RBFOX1: variants seen among roughly 807,000 people sequenced by gnomAD.
RBFOX1 encodes RNA binding protein fox-1 homolog 1.
In RBFOX1, 8 loss-of-function variants were observed where a neutral mutation model predicts 57.7. The ratio of observed to expected loss-of-function variants is 0.14; its 90% CI spans 0.08 to 0.25. RBFOX1 has a LOEUF of 0.25. RBFOX1 is among the 10% of genes least tolerant of loss of function. The pLI is 1.00. For missense variants in RBFOX1, 611 were observed against 548.5 expected, an observed-to-expected ratio of 1.11 and a Z score of -1.14; for synonymous variants, 326 against 222.4, an observed-to-expected ratio of 1.47 and a Z score of -4.15.
rs145327369 is a variant in RBFOX1 at position 6,777,071 on chromosome 16, G to A, written c.-16+122421G>A. Among the ~76,000 whole-genome samples the A allele has an allele frequency of 6.3e-3, 962 of 152,262 alleles. 11 individuals are homozygous for A. Among genetic ancestry groups the A allele is most frequent in the African/African-American group, 0.022 (898 of 41,552 alleles). On this transcript the variant is annotated intron_variant, in intron 3 of 15. Coordinates refer to ENST00000550418, the MANE Select transcript of RBFOX1 (RefSeq NM_018723.4). Reference sequence around the variant, plus strand: ...AAAGCTACCTGAGGGCAGGGATTCTGTGTTAACCGTGTTGTATACTCAATT... The same window carrying A: ...AAAGCTACCTGAGGGCAGGGATTCTATGTTAACCGTGTTGTATACTCAATT...
intron 3 of RBFOX1, among the ~76,000 whole-genome samples, chr16:5,623,293 G>A (rs2048253043): frequency 6.6e-6 from 1 of 152,106 alleles, no homozygotes; most frequent in Admixed American, 6.5e-5. Flanking sequence ...TAGGGCAGGG[G>A]TCCTCAAACT....
intron 4 of RBFOX1, among the ~76,000 whole-genome samples, chr16:5,933,060 GT>G (rs1377273801): frequency 6.6e-6 from 1 of 152,226 alleles, no homozygotes; most frequent in Non-Finnish European, 1.5e-5. Flanking sequence ...GCAGCCTTAG[GT>G]GGGGGCAGAC....
intron 4 of RBFOX1, among the ~76,000 whole-genome samples, chr16:5,885,457 A>T (rs1597636405): frequency 6.6e-6 from 1 of 152,296 alleles, no homozygotes; most frequent in East Asian, 1.9e-4. Context: ...AAAACATGTT[A>T]GCTAAAATGT....
chr16:6,872,696 G>A (rs1172101096), intron 3 of RBFOX1, among the ~76,000 whole-genome samples: 1 of 152,158 alleles, frequency 6.6e-6, no homozygotes, highest in African/African-American at 2.4e-5. Flanking sequence ...ATAATCCAGG[G>A]TAAGCTAGAT....
At chr16:5,785,881 A>G (rs1241723715) in intron 3 of RBFOX1, among the ~76,000 whole-genome samples, 2 of 152,080 alleles carry the variant, frequency 1.3e-5, no homozygotes, top group African/African-American at 4.8e-5. Flanking sequence ...CACTGTCATT[A>G]CGTTAGACCA....
At chr16:6,414,200 A>G (rs1422313840) in intron 2 of RBFOX1, among the ~76,000 whole-genome samples, 1 of 152,202 alleles carries the variant, frequency 6.6e-6, no homozygotes, top group Non-Finnish European at 1.5e-5. Flanking sequence ...CATTTTGTGA[A>G]GAACCTTGGA....
intron 1 of RBFOX1, among the ~76,000 whole-genome samples, chr16:6,289,075 A>G (rs143851435): frequency 2.2e-3 from 333 of 152,286 alleles, no homozygotes; most frequent in African/African-American, 7.5e-3. Context: ...TTTGTGTTCA[A>G]GATAGAGAAT....
chr16:5,679,286 G>C (rs537594023), intron 3 of RBFOX1, among the ~76,000 whole-genome samples: 1 of 151,754 alleles, frequency 6.6e-6, no homozygotes, highest in East Asian at 1.9e-4. Context: ...ATATGCTAAA[G>C]TCATGCTGTT....
At chr16:7,500,184 C>G (rs2070242703) in intron 4 of RBFOX1, among the ~76,000 whole-genome samples, 1 of 152,152 alleles carries the variant, frequency 6.6e-6, no homozygotes, top group Non-Finnish European at 1.5e-5. Context: ...TCTCCAGTCT[C>G]AAGTGGAGAC....
intron 4 of RBFOX1, among the ~76,000 whole-genome samples, chr16:6,008,735 G>A (rs1343670465): frequency 2.0e-5 from 3 of 152,186 alleles, no homozygotes; most frequent in Admixed American, 2.0e-4. Context: ...GCACAAAGAA[G>A]TGTGTTCAGA....
In RBFOX1 at chr16:6,058,831, T is replaced by TCCA. The variant is rs1410408281; in HGVS notation, c.-127+38839_-127+38840insCCA. On this transcript the variant is annotated intron_variant, in intron 1 of 15. Transcript: ENST00000550418. Reference sequence around the variant, plus strand: ...ATCCACCCACTTACCCACTCATTTATTTATCCATCCATCCATCCATCCATC... The same window carrying TCCA: ...ATCCACCCACTTACCCACTCATTTATCCATTATCCATCCATCCATCCATCCATC... Among the ~76,000 whole-genome samples, 183 of 84,592 alleles carry TCCA rather than the reference T, an allele frequency of 2.2e-3. 1 individual carries two copies. In the East Asian group the frequency reaches 0.024, roughly 11 times the overall value. The allele number at this position is 84,592 out of a possible 152,430, so 55.5% of individuals were successfully genotyped here.
At chr16:5,670,516 T>C (rs1000022696) in intron 3 of RBFOX1, among the ~76,000 whole-genome samples, 2 of 152,228 alleles carry the variant, frequency 1.3e-5, no homozygotes, top group Non-Finnish European at 2.9e-5. Context: ...CTTTGTCTCT[T>C]AAGCCACAAG....
At chr16:6,370,222 G>A (rs914999343) in intron 2 of RBFOX1, among the ~76,000 whole-genome samples, 1 of 151,770 alleles carries the variant, frequency 6.6e-6, no homozygotes, top group African/African-American at 2.4e-5. Context: ...GCTGGGCGGG[G>A]TGGCGGGCGG....
At chr16:5,594,531 A>C (rs1486432412) in intron 2 of RBFOX1, among the ~76,000 whole-genome samples, 1 of 152,190 alleles carries the variant, frequency 6.6e-6, no homozygotes, top group East Asian at 1.9e-4. Context: ...TGGTTTCTTC[A>C]TCTGGAAAGG....
intron 4 of RBFOX1, among the ~76,000 whole-genome samples, chr16:5,911,021 T>A (rs143005117): frequency 1.4e-3 from 216 of 152,320 alleles, no homozygotes; most frequent in Non-Finnish European, 2.7e-3. Context: ...CTCACCTCTC[T>A]TATCTGTAAT....
intron 3 of RBFOX1, among the ~76,000 whole-genome samples, chr16:5,807,091 G>A (rs1351712728): frequency 1.3e-5 from 2 of 152,194 alleles, no homozygotes; most frequent in East Asian, 1.9e-4. Flanking sequence ...AGGCTTTGGT[G>A]TGAAATGTCT....
intron 5 of RBFOX1, among the ~76,000 whole-genome samples, chr16:7,562,653 A>G (rs933040833): frequency 6.6e-5 from 10 of 152,174 alleles, no homozygotes; most frequent in South Asian, 2.1e-4. Flanking sequence ...ACCAGGATGC[A>G]TTTGATTTCA....
intron 3 of RBFOX1, among the ~76,000 whole-genome samples, chr16:6,672,597 TAAAC>T (rs1436106559): frequency 3.9e-5 from 6 of 152,182 alleles, no homozygotes; most frequent in African/African-American, 7.2e-5. Flanking sequence ...GACAGAATCT[TAAAC>T]AAGCATATAA....
Position 7,510,623 on chromosome 16 carries a change from G to T in RBFOX1, c.28-7524G>T, listed in dbSNP as rs1453193131. 5.9e-5 allele frequency among the ~76,000 whole-genome samples: 9 copies of T among 152,180 alleles called. 1 individual carries two copies. The highest frequency in any genetic ancestry group is 1.2e-4 in the Non-Finnish European group (8 of 68,038). On this transcript the variant is annotated intron_variant, in intron 4 of 15. Transcript: ENST00000550418. ...TTGCATTTTTCTTCTTTGTTTGAAT[G>T]CCCCTAGGGCATGATGCAGTTTAGC...
Sources: gnomAD v4.1 joint callset for allele counts (sites outside exome capture counted in the v4.1 genomes callset) on GRCh38, gnomAD v4.1.1 for gene constraint, MANE v1.5 for transcripts, NCBI Gene and HGNC (gene_info 2026-07-23, HGNC 2026-07-21) for gene names.